KRT84: variants seen among roughly 807,000 people sequenced by gnomAD.
KRT84 encodes keratin 84.
A neutral mutation model predicts 49.0 loss-of-function variants in KRT84; 38 were observed. That is an observed-to-expected ratio of 0.78 (90% CI 0.60 to 1.02). The LOEUF is 1.02. Ranked by LOEUF, KRT84 falls within the 50% of genes least tolerant of loss-of-function variation. KRT84 has a pLI of 0.00. For synonymous variants in KRT84, 334 were observed against 312.8 expected (o/e 1.07, Z -0.72); for missense variants, 860 against 788.6 (o/e 1.09, Z -1.08).
chr12:52,383,452 C>A, intron 2 of KRT84, 138 bp downstream of exon 2: 1 of 640,822 alleles, frequency 1.6e-6, no homozygotes, highest in East Asian at 3.0e-5. Context: ...TATCTCTACC[C>A]ACCCCCACCT....
At chr12:52,384,716 T>C (rs962892868) in intron 1 of KRT84, among the ~76,000 whole-genome samples, 3 of 152,228 alleles carry the variant, frequency 2.0e-5, no homozygotes, top group African/African-American at 7.2e-5. Flanking sequence ...GTTTCCAGCC[T>C]GTTTCAGAGA....
intron 6 of KRT84, 169 bp from the exon 7 acceptor site, chr12:52,380,752 A>G: frequency 4.0e-6 from 3 of 740,916 alleles, no homozygotes; most frequent in East Asian, 2.7e-5. Flanking sequence ...TGATGTCACT[A>G]TGGGGTAGGG....
intron 2 of KRT84, 98 bp from the exon 3 acceptor site, chr12:52,383,163 A>G (rs962622066): frequency 3.1e-6 from 3 of 955,600 alleles, no homozygotes; most frequent in African/African-American, 3.2e-5. Flanking sequence ...CAGTCTGTGC[A>G]GGATCATGGT....
chr12:52,382,302 T>G, intron 4 of KRT84, 135 bp downstream of exon 4: 1 of 640,504 alleles, frequency 1.6e-6, no homozygotes, highest in Non-Finnish European at 2.8e-6. Context: ...TTGGCATATA[T>G]AGCATACAGA....
rs556493995 is a variant in KRT84 at position 52,378,112 on chromosome 12, G to A, written c.1725C>T (p.Gly575=). ...SVPCPLPTQG[G]FSSCSGGRSS... is the part of the protein sequence containing the mutation. ...TGCGGCCGCCGCTGCAGCTGCTGAA[G>A]CCCCCCTGGGTGGGCAGGGGGCAGG... is the stretch of plus-strand genomic sequence containing the variant. Residue 575 remains glycine, a synonymous_variant, in exon 9 of 9, where the codon GGC becomes GGT. Transcript: ENST00000257951. 7 of 1,520,690 alleles carry A rather than the reference G, an allele frequency of 4.6e-6. No individual in the cohort carries two copies. The South Asian group carries it at 7.9e-5, about 17-fold the overall frequency. The allele number at this position is 1,520,690 out of a possible 1,614,324, so 94.2% of individuals were successfully genotyped here. A position where few individuals can be genotyped will look rare whatever the true frequency, so the allele number is the denominator to read the frequency against.
intron 8 of KRT84, among the ~76,000 whole-genome samples, chr12:52,378,639 T>A (rs533431922): frequency 1.3e-5 from 2 of 152,236 alleles, no homozygotes; most frequent in African/African-American, 4.8e-5. Context: ...TTTGCATGCA[T>A]CCATAGGTTG....
rs757969389 is a variant in KRT84, at chr12:52,378,235, C to T, written c.1602G>A (p.Leu534=). ...SGVLASCGPS[L]GGARVAPATG... The stretch of plus-strand genomic sequence containing the variant: ...TGGCCGGGGCGACCCGGGCTCCACC[C>T]AGGCTGGGGCCACAGGAAGCCAGGA... The change falls in exon 9 of 9, where the codon CTG becomes CTA. Residue 534 remains leucine, a synonymous_variant. Coordinates refer to ENST00000257951, the MANE Select transcript of KRT84 (RefSeq NM_033045.4). 3 of 1,564,888 alleles carry T rather than the reference C, an allele frequency of 1.9e-6. No homozygotes were observed. Among genetic ancestry groups the T allele is most frequent in the South Asian group, 2.4e-5 (2 of 84,914 alleles).
chr12:52,382,003 C>T (rs1423597027), intron 4 of KRT84, among the ~76,000 whole-genome samples: 1 of 152,208 alleles, frequency 6.6e-6, no homozygotes, highest in East Asian at 1.9e-4. Flanking sequence ...TTTCCTCAGC[C>T]TCTTCACTTA....
rs766333747 is a variant in KRT84 at position 52,385,263 on chromosome 12, C to T, written c.323G>A (p.Gly108Glu). 6.2e-7 allele frequency: 1 copy of T among 1,614,160 alleles called. No individual in the cohort carries two copies. Among genetic ancestry groups the T allele is most frequent in the South Asian group, 1.1e-5 (1 of 91,084 alleles). The change falls in exon 1 of 9, where the codon GGA becomes GAA. Residue 108 changes from glycine to glutamate, a missense_variant. Coordinates refer to ENST00000257951, the MANE Select transcript of KRT84 (RefSeq NM_033045.4). ...RADSCVGLGF[G>E]AGSGIGYGFG... ...GCCATAGCCAATGCCACTGCCAGCT[C>T]CAAAGCCCAGACCAACACAGCTGTC...
At chr12:52,384,640 C>A (rs1218961721) in intron 1 of KRT84, among the ~76,000 whole-genome samples, 2 of 152,194 alleles carry the variant, frequency 1.3e-5, no homozygotes, top group Admixed American at 1.3e-4. Context: ...TCATAAGGAA[C>A]AAAAGGATCT....
intron 5 of KRT84, 57 bp downstream of exon 5, chr12:52,381,298 ATCTGTT>A (rs1230405855): frequency 6.2e-7 from 1 of 1,610,916 alleles, no homozygotes. Flanking sequence ...CCTGGGCCTG[ATCTGTT>A]ATATATGAGT....
At chr12:52,386,872 G>A (rs1995633), upstream of KRT84, among the ~76,000 whole-genome samples, 48,673 of 152,124 alleles carry the variant, frequency 0.32, 9,787 homozygotes, top group African/African-American at 0.57. Context: ...ATGTTTGACT[G>A]GACGCTTGAG....
In KRT84 at chr12:52,385,522, C is replaced by G. The variant is rs769796656; in HGVS notation, c.64G>C (p.Ala22Pro). Reference protein sequence around the residue: ...HRVGNFSSCSAMTPQNLNRFR... With the variant: ...HRVGNFSSCSPMTPQNLNRFR... ...CGATTCAGGTTCTGTGGTGTCATTG[C>G]TGAACAAGAGCTGAAGTTGCCCACC... Residue 22 changes from alanine to proline, a missense_variant, in exon 1 of 9, where the codon GCA becomes CCA. Ala to Pro is a conservative substitution (Grantham distance 27). Transcript: ENST00000257951. 1 of 1,614,068 alleles carries G rather than the reference C, an allele frequency of 6.2e-7. No homozygotes were observed. Among genetic ancestry groups the G allele is most frequent in the African/African-American group, 1.3e-5 (1 of 74,932 alleles).
chr12:52,382,382 G>T, intron 4 of KRT84, 55 bp downstream of exon 4: 1 of 1,162,348 alleles, frequency 8.6e-7, no homozygotes, highest in South Asian at 1.2e-5. Flanking sequence ...AGCATTCAGG[G>T]AGTCCAGGCC....
chr12:52,384,002 A>C (rs1939531882), intron 1 of KRT84, among the ~76,000 whole-genome samples: 1 of 152,210 alleles, frequency 6.6e-6, no homozygotes, highest in Admixed American at 6.5e-5. Context: ...CCTAGTTACC[A>C]ATATGGGGTT....
intron 3 of KRT84, 117 bp from the exon 4 acceptor site, chr12:52,382,649 G>C (rs1166861974): frequency 1.3e-6 from 1 of 787,540 alleles, no homozygotes; most frequent in Admixed American, 2.3e-5. Flanking sequence ...AAGGTCGCTG[G>C]GTAGAAGTGA....
At position 52,381,217 on chromosome 12, in the gene KRT84, G is replaced by A. The variant is rs1939476837; in HGVS notation, c.1078-12C>T. The A allele has an allele frequency of 1.9e-6, 3 of 1,614,034 alleles. No homozygotes were observed. Among genetic ancestry groups the A allele is most frequent in the Non-Finnish European group, 2.5e-6 (3 of 1,179,936 alleles). ...TGCATCTCTTCATACTGCGGAGAGA[G>A]GAGGGTATTTTGAGGGTTCGGAGGT... On this transcript the variant is annotated splice_polypyrimidine_tract_variant and intron_variant, in intron 5 of 8. Transcript: ENST00000257951.
upstream of KRT84, among the ~76,000 whole-genome samples, chr12:52,386,868 G>A (rs1185393441): frequency 1.3e-5 from 2 of 152,152 alleles, no homozygotes; most frequent in Non-Finnish European, 2.9e-5. Flanking sequence ...ACTCATGTTT[G>A]ACTGGACGCT....
intron 2 of KRT84, 147 bp from the exon 3 acceptor site, chr12:52,383,212 T>G (rs1267218255): frequency 1.5e-6 from 1 of 673,810 alleles, no homozygotes; most frequent in Non-Finnish European, 2.7e-6. Context: ...TCATCCCCTC[T>G]GTCTCATCTT....
Sources: allele counts gnomAD v4.1 joint callset (sites outside exome capture counted in the v4.1 genomes callset), GRCh38; gene constraint gnomAD v4.1.1; transcripts MANE v1.5; gene names NCBI Gene and HGNC (gene_info 2026-07-23, HGNC 2026-07-21).